The following PTPRF variants were observed in gnomAD, a reference collection of about 807,000 sequenced individuals.
PTPRF encodes protein tyrosine phosphatase receptor type F, also known as receptor-type tyrosine-protein phosphatase F.
A neutral mutation model predicts 201.8 loss-of-function variants in PTPRF; 59 were observed. The ratio of observed to expected loss-of-function variants is 0.29; its 90% confidence interval spans 0.24 to 0.36. The LOEUF (loss-of-function observed/expected upper bound fraction) is 0.36, where lower values mean the gene tolerates loss of function less well. Among genes scored for constraint, PTPRF ranks in the 10% least tolerant of loss-of-function variants. The probability of loss-of-function intolerance (pLI) is 1.00; values close to 1 mark genes in which losing one functional copy is unlikely to be tolerated. For missense variants in PTPRF, 2,132 were observed against 2,690.5 expected (o/e 0.79, Z 4.59); for synonymous variants, 1,088 against 1,089.7 (o/e 1.00, Z 0.03).
chr1:43,600,799 T>C lies in PTPRF; in HGVS notation c.2314-1272T>C, dbSNP rs111369456. On this transcript the variant is annotated intron_variant, in intron 13 of 33. Coordinates refer to ENST00000359947, the MANE Select transcript of PTPRF (RefSeq NM_002840.5). ...TTTGTCTTGCTCTTTCTCTTCTCTCTCCTCCTTCCTTCCCTCCTCCCCCTG... is the reference window on the plus strand; with the variant it reads ...TTTGTCTTGCTCTTTCTCTTCTCTCCCCTCCTTCCTTCCCTCCTCCCCCTG... 5.3e-5 allele frequency among the ~76,000 whole-genome samples: 8 copies of C among 152,176 alleles called. 2 individuals are homozygous for C. The highest frequency in any genetic ancestry group is 1.9e-4 in the African/African-American group (8 of 41,504).
chr1:43,580,177 G>A (rs1647237558), intron 7 of PTPRF: 1 of 152,222 alleles, frequency 6.6e-6, no homozygotes, highest in African/African-American at 2.4e-5. Flanking sequence ...GCTTCCTGAG[G>A]GGTGTCGTCT....
chr1:43,575,595 A>G (rs1646869194), intron 6 of PTPRF, among the ~76,000 whole-genome samples: 1 of 151,426 alleles, frequency 6.6e-6, no homozygotes, highest in African/African-American at 2.4e-5. Context: ...TTCCCCCTCC[A>G]TTGGCCCCAG....
intron 23 of PTPRF, among the ~76,000 whole-genome samples, chr1:43,614,530 A>T (rs930544668): frequency 6.6e-6 from 1 of 152,134 alleles, no homozygotes; most frequent in South Asian, 2.1e-4. Flanking sequence ...TAGGAAGGGG[A>T]TTTGTTAGAG....
At chr1:43,578,254 G>T (rs914088647) in intron 6 of PTPRF, among the ~76,000 whole-genome samples, 1 of 152,218 alleles carries the variant, frequency 6.6e-6, no homozygotes, top group Non-Finnish European at 1.5e-5. Context: ...CGGGGAGGGG[G>T]TGGAGTAGGA....
At chr1:43,620,649 G>T in intron 31 of PTPRF, 70 bp downstream of exon 31, 1 of 1,578,616 alleles carries the variant, frequency 6.3e-7, no homozygotes, top group Non-Finnish European at 8.6e-7. Flanking sequence ...TGCCTGCATG[G>T]TACCTTAGCT....
intron 2 of PTPRF, among the ~76,000 whole-genome samples, chr1:43,539,979 G>A: frequency 6.6e-6 from 1 of 152,334 alleles, no homozygotes; most frequent in South Asian, 2.1e-4. Flanking sequence ...GGCCCAGGGT[G>A]CCCACAGGGG....
intron 1 of PTPRF, among the ~76,000 whole-genome samples, chr1:43,534,927 C>G (rs1368251229): frequency 1.3e-5 from 2 of 152,122 alleles, no homozygotes; most frequent in Admixed American, 1.3e-4. Context: ...AAAACCCGTG[C>G]CTTATAAGGG....
intron 7 of PTPRF, among the ~76,000 whole-genome samples, chr1:43,587,931 T>C (rs149557156): frequency 1.2e-3 from 189 of 151,952 alleles, no homozygotes; most frequent in African/African-American, 4.4e-3. Flanking sequence ...AGTCCAAGGC[T>C]GGAGGTCGTG....
intron 12 of PTPRF, chr1:43,598,497 G>T: frequency 1.8e-6 from 1 of 548,988 alleles, no homozygotes; most frequent in South Asian, 2.6e-5. Context: ...CAAGTGAGAG[G>T]CCTGGGCCAG....
At position 43,542,707 on chromosome 1, in the gene PTPRF, C is replaced by T. The variant is rs1644431440; in HGVS notation, c.-45-2324C>T. On this transcript the variant is annotated intron_variant, in intron 2 of 33. Transcript: ENST00000359947. This position sits in a 1 kb window ranked among gnomAD's most constrained non-coding sequence, Gnocchi z 5.2. ...CTGTAATGTCCTTATCAGGCAGCTG[C>T]ACTCCATGATGTCTGTACCCTCTGT... 6.6e-6 allele frequency among the ~76,000 whole-genome samples: 1 copy of T among 152,122 alleles called. No homozygotes were observed. Among genetic ancestry groups the T allele is most frequent in the Admixed American group, 6.5e-5 (1 of 15,274 alleles).
chr1:43,607,168 C>CT (rs941490466), intron 21 of PTPRF, among the ~76,000 whole-genome samples, 200 bp downstream of exon 21: 1 of 152,250 alleles, frequency 6.6e-6, no homozygotes, highest in African/African-American at 2.4e-5. Flanking sequence ...GTGAGGGAGC[C>CT]TCTGCAGCAG....
rs1271684539 is a variant in PTPRF, at chr1:43,582,081, C to T, written c.679+3161C>T. ...CCTGTGTCCACTGGCCGCAAGGCTT[C>T]GTCTCCTCATCAGACTTGGCTTCGG... On this transcript the variant is annotated intron_variant, in intron 7 of 33. Coordinates refer to ENST00000359947, the MANE Select transcript of PTPRF (RefSeq NM_002840.5). Among the ~76,000 whole-genome samples, 4 of 152,346 alleles carry T rather than the reference C, an allele frequency of 2.6e-5. No individual in the cohort carries two copies. The East Asian group carries it at 7.7e-4, about 29-fold the overall frequency.
At chr1:43,582,045 G>T (rs1647802086) in intron 7 of PTPRF, among the ~76,000 whole-genome samples, 1 of 152,318 alleles carries the variant, frequency 6.6e-6, no homozygotes, top group South Asian at 2.1e-4. Context: ...CCACCCATCT[G>T]ACTCTCTTCA....
chr1:43,590,821 A>G lies in PTPRF; in HGVS notation c.950-151A>G, dbSNP rs573719605. On this transcript the variant is annotated intron_variant, in intron 8 of 33. Coordinates refer to ENST00000359947, the MANE Select transcript of PTPRF (RefSeq NM_002840.5). ...CTCACTTGTGCCTTCAGAGGTCACCATAAGCTTTTCCAGCCATTTTTCAAG... is the reference window on the plus strand; with the variant it reads ...CTCACTTGTGCCTTCAGAGGTCACCGTAAGCTTTTCCAGCCATTTTTCAAG... 34 of 773,756 alleles carry G rather than the reference A, an allele frequency of 4.4e-5. No homozygotes were observed. In the South Asian group the frequency reaches 6.1e-4, roughly 14 times the overall value. The allele number at this position is 773,756 out of a possible 1,614,324, so 47.9% of individuals were successfully genotyped here.
rs140129140 is a variant in PTPRF, at chr1:43,572,347, C to T, written c.568+2569C>T. On this transcript the variant is annotated intron_variant, in intron 6 of 33. Coordinates refer to ENST00000359947, the MANE Select transcript of PTPRF (RefSeq NM_002840.5). ...AATATCTGCTCTAATGTTCACTCCTCCTTCTGCTTTCCAGGTCCAAGGAAG... is the reference window on the plus strand; with the variant it reads ...AATATCTGCTCTAATGTTCACTCCTTCTTCTGCTTTCCAGGTCCAAGGAAG... 5.1e-3 allele frequency among the ~76,000 whole-genome samples: 772 copies of T among 152,348 alleles called. 8 individuals are homozygous for T. Among genetic ancestry groups the T allele is most frequent in the South Asian group, 0.019 (93 of 4,826 alleles).
chr1:43,547,943 C>T (rs933391980), intron 3 of PTPRF, among the ~76,000 whole-genome samples: 7 of 152,148 alleles, frequency 4.6e-5, no homozygotes, highest in East Asian at 3.9e-4. Flanking sequence ...AAGTGCGTGT[C>T]GCGTGCCTGT....
chr1:43,523,708 AAGTG>A (rs1643015435), upstream of PTPRF, among the ~76,000 whole-genome samples: 1 of 152,210 alleles, frequency 6.6e-6, no homozygotes, highest in African/African-American at 2.4e-5. Flanking sequence ...ATGTTGGATG[AAGTG>A]AGTAGGAATG....
chr1:43,559,644 C>T (rs576271965), intron 5 of PTPRF, among the ~76,000 whole-genome samples: 28 of 136,724 alleles, frequency 2.0e-4, no homozygotes, highest in Non-Finnish European at 1.6e-4. Flanking sequence ...ATGTATCAGG[C>T]GGGGTGTGGT....
At chr1:43,524,832 C>T (rs138839538), upstream of PTPRF, among the ~76,000 whole-genome samples, 2 of 152,018 alleles carry the variant, frequency 1.3e-5, no homozygotes, top group East Asian at 1.9e-4. Context: ...CATCTGACAG[C>T]GAGGGGAAAA....
Sources: gnomAD v4.1 joint callset for allele counts (sites outside exome capture counted in the v4.1 genomes callset) on GRCh38, gnomAD v4.1.1 for gene constraint, Gnocchi (gnomAD v3.1) non-coding constraint, MANE v1.5 for transcripts, NCBI Gene and HGNC (gene_info 2026-07-23, HGNC 2026-07-21) for gene names.